CCDC7: variants seen among roughly 807,000 people sequenced by gnomAD.
CCDC7 encodes coiled-coil domain-containing protein 7.
CCDC7 carries 183 observed loss-of-function variants against 196.9 expected under a neutral mutation model. The observed-to-expected ratio is 0.93, with a 90% CI of 0.82 to 1.05. CCDC7 has a LOEUF of 1.05. CCDC7 is among the 50% of genes least tolerant of loss of function. The probability of loss-of-function intolerance (pLI) is 0.00; values close to 1 mark genes in which losing one functional copy is unlikely to be tolerated. For synonymous variants in CCDC7, 525 were observed against 484.6 expected, an observed-to-expected ratio of 1.08 and a Z score of -1.10; for missense variants, 1,540 against 1,482.2, an observed-to-expected ratio of 1.04 and a Z score of -0.64.
downstream of CCDC7, among the ~76,000 whole-genome samples, chr10:32,879,056 A>T (rs550170741): frequency 6.6e-6 from 1 of 151,104 alleles, no homozygotes; most frequent in Admixed American, 6.6e-5. Context: ...ACTATCTCTA[A>T]TTTTTTTTTT....
rs1340315830 is a variant in CCDC7 at position 32,507,172 on chromosome 10, T to A, written c.873-10773T>A. Among the ~76,000 whole-genome samples, 4 of 152,034 alleles carry A rather than the reference T, an allele frequency of 2.6e-5. No homozygotes were observed. In the East Asian group the frequency reaches 7.8e-4, roughly 29 times the overall value. ...CACACCCAGCTAATTTTTGTATTTT[T>A]AGTAGAGACGGGGTTTCACCATGTT... is the stretch of plus-strand genomic sequence containing the variant. On this transcript the variant is annotated intron_variant, in intron 9 of 41. Coordinates refer to ENST00000639629, the Ensembl canonical transcript of CCDC7.
chr10:32,711,925 A>T (rs931087385), intron 25 of CCDC7, among the ~76,000 whole-genome samples, 195 bp downstream of exon 26: 1 of 152,214 alleles, frequency 6.6e-6, no homozygotes, highest in African/African-American at 2.4e-5. Flanking sequence ...TCGTAATATT[A>T]TTACACAACT....
rs539858613 is a variant in CCDC7 at position 32,870,836 on chromosome 10, G to T, written c.4112-5511G>T. On this transcript the variant is annotated intron_variant, in intron 41 of 41. Transcript: ENST00000639629. ...TTGAATTTTGTCAAAGGCTTTTTCC[G>T]CATCTATTGAGATTATCATATGGTT... Among the ~76,000 whole-genome samples the T allele has an allele frequency of 2.0e-5, 3 of 152,066 alleles. No individual in the cohort carries two copies. The East Asian group carries it at 5.8e-4, about 29-fold the overall frequency.
In CCDC7 at chr10:32,517,918, A is replaced by G. The variant is rs779654900; in HGVS notation, c.873-27A>G. 8.8e-6 allele frequency: 14 copies of G among 1,588,262 alleles called. 2 individuals are homozygous for G. The South Asian group carries it at 1.5e-4, about 17-fold the overall frequency. ...TTAAAATATAAATGTACAATTATAA[A>G]CACACTTTTTTTGGTTTATTTTTCA... On this transcript the variant is annotated intron_variant, in intron 9 of 41. Coordinates refer to ENST00000639629, the Ensembl canonical transcript of CCDC7.
At chr10:32,507,103 C>T (rs1184880876) in intron 9 of CCDC7, among the ~76,000 whole-genome samples, 2 of 151,956 alleles carry the variant, frequency 1.3e-5, no homozygotes, top group Non-Finnish European at 2.9e-5. Context: ...AGTGATTCTC[C>T]TGCGTCAGCC....
intron 11 of CCDC7, among the ~76,000 whole-genome samples, chr10:32,533,680 T>C (rs1272047978): frequency 6.6e-6 from 1 of 152,140 alleles, no homozygotes; most frequent in Admixed American, 6.6e-5. Flanking sequence ...TACAATATTC[T>C]TGAATGGAAG....
intron 32 of CCDC7, among the ~76,000 whole-genome samples, chr10:32,828,258 G>A (rs2091442262): frequency 6.6e-6 from 1 of 151,832 alleles, no homozygotes; most frequent in Admixed American, 6.6e-5. Flanking sequence ...TATAACTCCT[G>A]TCTCCCTAAA....
intron 18 of CCDC7, among the ~76,000 whole-genome samples, chr10:32,609,331 C>A (rs1260266397): frequency 6.6e-6 from 1 of 152,120 alleles, no homozygotes; most frequent in African/African-American, 2.4e-5. Flanking sequence ...TATCCTCTGG[C>A]TGAGTTGATC....
intron 28 of CCDC7, 83 bp from the exon 30 acceptor site, chr10:32,778,894 T>C (rs2080562774): frequency 1.0e-6 from 1 of 953,414 alleles, no homozygotes; most frequent in Non-Finnish European, 1.6e-6. Flanking sequence ...ATCTTTCACC[T>C]TCTTGGTTAC....
At chr10:32,586,329 G>C (rs187248197) in intron 18 of CCDC7, among the ~76,000 whole-genome samples, 2 of 152,164 alleles carry the variant, frequency 1.3e-5, no homozygotes, top group Non-Finnish European at 2.9e-5. Flanking sequence ...TAGGCTGCTT[G>C]TTCACTCTGA....
intron 8 of CCDC7, among the ~76,000 whole-genome samples, chr10:32,482,898 T>C (rs2040257727): frequency 6.6e-6 from 1 of 152,206 alleles, no homozygotes; most frequent in African/African-American, 2.4e-5. Context: ...CAGTCTATCA[T>C]TGTTGGACAT....
intron 20 of CCDC7, among the ~76,000 whole-genome samples, chr10:32,651,086 A>G (rs952850863): frequency 6.6e-6 from 1 of 152,114 alleles, no homozygotes; most frequent in Non-Finnish European, 1.5e-5. Flanking sequence ...CCTGCACTCA[A>G]GGGTCCTCAG....
At chr10:32,738,472 A>AATTTT (rs2085246049) in intron 28 of CCDC7, among the ~76,000 whole-genome samples, 2 of 102,958 alleles carry the variant, frequency 1.9e-5, no homozygotes, top group Admixed American at 1.1e-4. Flanking sequence ...GGTTTCTTTC[A>AATTTT]CTTTTTTTTT....
intron 20 of CCDC7, among the ~76,000 whole-genome samples, chr10:32,654,128 T>C (rs939010013): frequency 6.6e-6 from 1 of 152,212 alleles, no homozygotes; most frequent in African/African-American, 2.4e-5. Context: ...ATTTCAGTTA[T>C]TGTGGTTTTC....
At chr10:32,801,277 C>T (rs547010615) in intron 29 of CCDC7, among the ~76,000 whole-genome samples, 13 of 152,320 alleles carry the variant, frequency 8.5e-5, no homozygotes, top group African/African-American at 3.1e-4. Flanking sequence ...CTCTAGCATC[C>T]TGATCTCCTA....
At chr10:32,719,295 A>G (rs2142081107) in intron 25 of CCDC7, among the ~76,000 whole-genome samples, 1 of 152,320 alleles carries the variant, frequency 6.6e-6, no homozygotes, top group East Asian at 1.9e-4. Flanking sequence ...TATTTAATAA[A>G]TGGTGTTGGG....
intron 41 of CCDC7, among the ~76,000 whole-genome samples, chr10:32,867,036 T>C (rs559557362): frequency 6.6e-6 from 1 of 151,776 alleles, no homozygotes; most frequent in South Asian, 2.1e-4. Context: ...AGACTGGTGT[T>C]AAAAATATGT....
chr10:32,865,401 A>G (rs572193971), intron 41 of CCDC7, among the ~76,000 whole-genome samples: 6 of 55,436 alleles, frequency 1.1e-4, no homozygotes, highest in Admixed American at 6.1e-4. Context: ...TACTCCTATT[A>G]TACACACACA....
chr10:32,625,435 T>G (rs1225515837), intron 18 of CCDC7, among the ~76,000 whole-genome samples: 3 of 151,698 alleles, frequency 2.0e-5, no homozygotes, highest in African/African-American at 7.2e-5. Flanking sequence ...TTTAAATTTT[T>G]AAATTTTATT....
Sources: allele counts gnomAD v4.1 joint callset (sites outside exome capture counted in the v4.1 genomes callset), GRCh38; gene constraint gnomAD v4.1.1; transcripts MANE v1.5; gene names NCBI Gene and HGNC (gene_info 2026-07-23, HGNC 2026-07-21).